The following BAMBI variants were observed in gnomAD, a reference collection of about 807,000 sequenced individuals.
The protein encoded by BAMBI is BMP and activin membrane bound inhibitor.
BAMBI carries 21 observed loss-of-function variants against 24.1 expected under a neutral mutation model. That is an observed-to-expected ratio of 0.87 (90% CI 0.62 to 1.26). The LOEUF is 1.26. Among genes scored for constraint, BAMBI ranks in the 50% most tolerant of loss-of-function variants. BAMBI has a pLI of 0.00. For missense variants in BAMBI, 388 were observed against 329.1 expected (o/e 1.18, Z -1.38); for synonymous variants, 156 against 123.1 (o/e 1.27, Z -1.77).
At position 28,682,804 on chromosome 10, in the gene BAMBI, C is replaced by T. The variant is rs547664721; in HGVS notation, c.*403C>T. The T allele has an allele frequency of 5.1e-5, 8 of 158,088 alleles. No individual in the cohort carries two copies. Among genetic ancestry groups the T allele is most frequent in the Non-Finnish European group, 8.4e-5 (6 of 71,774 alleles). 9.8% of individuals were successfully genotyped at this position (158,088 alleles called of 1,614,324 possible). The stretch of plus-strand genomic sequence containing the variant: ...GTCTTTCATAAATTTAACTGGGAAA[C>T]GTGAGACAGTACATGTTAATTATAC... On this transcript the variant is annotated 3_prime_UTR_variant, in exon 3 of 3. Transcript: ENST00000375533.
chr10:28,678,673 CTG>C (rs1237107290), intron 1 of BAMBI, among the ~76,000 whole-genome samples: 2 of 152,088 alleles, frequency 1.3e-5, no homozygotes, highest in East Asian at 1.9e-4. Flanking sequence ...GTACATCTCT[CTG>C]TGTGCGAGCG....
At chr10:28,680,547 C>T (rs1834486520) in intron 1 of BAMBI, among the ~76,000 whole-genome samples, 1 of 152,068 alleles carries the variant, frequency 6.6e-6, no homozygotes, top group Non-Finnish European at 1.5e-5. Context: ...GTTTTATACT[C>T]CCCCCACCTT....
At chr10:28,679,861 TA>T in intron 1 of BAMBI, among the ~76,000 whole-genome samples, 1 of 152,222 alleles carries the variant, frequency 6.6e-6, no homozygotes, top group East Asian at 1.9e-4. Flanking sequence ...GCAAGGTTCT[TA>T]CTTGAAGCAG....
intron 1 of BAMBI, among the ~76,000 whole-genome samples, chr10:28,680,665 A>G (rs946259766): frequency 6.6e-6 from 1 of 152,242 alleles, no homozygotes; most frequent in African/African-American, 2.4e-5. Flanking sequence ...GCTCCTCTGC[A>G]TGAAAAGATC....
rs813095 is a variant in BAMBI at position 28,677,687 on chromosome 10, C to A, written c.-211C>A. Reference sequence around the variant, plus strand: ...AGCGGGGCAAGGGAGCCAGTGGCCGCCGACGGGGGACCGGGAAACTTTTCT... The same window carrying A: ...AGCGGGGCAAGGGAGCCAGTGGCCGACGACGGGGGACCGGGAAACTTTTCT... On this transcript the variant is annotated 5_prime_UTR_variant, in exon 1 of 3. Coordinates refer to ENST00000375533, the MANE Select transcript of BAMBI (RefSeq NM_012342.3). 3.3e-5 allele frequency: 9 copies of A among 274,866 alleles called. No homozygotes were observed. The highest frequency in any genetic ancestry group is 6.1e-5 in the Non-Finnish European group (9 of 148,600). The allele number at this position is 274,866 out of a possible 1,614,324, so 17.0% of individuals were successfully genotyped here.
intron 1 of BAMBI, 44 bp downstream of exon 1, chr10:28,678,017 G>T: frequency 6.7e-7 from 1 of 1,484,080 alleles, no homozygotes; most frequent in East Asian, 2.6e-5. Flanking sequence ...CGTCCTCGCC[G>T]CGGGGCTTTG....
In BAMBI at chr10:28,681,277, T is replaced by G; in HGVS notation, c.96T>G (p.Cys32Trp). ...TTTCAGGTGAAATTCGATGCTACTG[T>G]GATGCTGCCCACTGTGTAGCCACTG... The part of the protein sequence containing the change: ...LLTKGEIRCY[C>W]DAAHCVATGY... Residue 32 changes from cysteine (C) to tryptophan (W), a missense_variant, in exon 2 of 3, where the codon TGT becomes TGG. Physicochemically the swap from Cys to Trp is radical, Grantham distance 215. Coordinates refer to ENST00000375533, the MANE Select transcript of BAMBI (RefSeq NM_012342.3). 2.5e-6 allele frequency: 4 copies of G among 1,613,000 alleles called. No individual in the cohort carries two copies. Among genetic ancestry groups the G allele is most frequent in the Non-Finnish European group, 3.4e-6 (4 of 1,179,916 alleles).
chr10:28,679,533 A>G (rs1453302591), intron 1 of BAMBI, among the ~76,000 whole-genome samples: 3 of 100,432 alleles, frequency 3.0e-5, no homozygotes, highest in Non-Finnish European at 1.9e-5. Flanking sequence ...GGCTCCAATT[A>G]AAAAAAAAAG....
chr10:28,681,971 G>A lies in BAMBI; in HGVS notation c.365-12G>A, dbSNP rs562436857. The stretch of plus-strand genomic sequence containing the variant: ...AGCATGGAGTTTGATCATTTTCTTT[G>A]TACTCCTTTAGGACAAGGAAACAGG... On this transcript the variant is annotated splice_polypyrimidine_tract_variant and intron_variant, in intron 2 of 2. Transcript: ENST00000375533. 3 of 1,594,192 alleles carry A rather than the reference G, an allele frequency of 1.9e-6. No homozygotes were observed. Among genetic ancestry groups the A allele is most frequent in the Non-Finnish European group, 2.6e-6 (3 of 1,166,438 alleles).
rs1834514007 is a variant in BAMBI, at chr10:28,682,774, A to C, written c.*373A>C. 6.1e-6 allele frequency: 1 copy of C among 165,080 alleles called. No individual in the cohort carries two copies. The highest frequency in any genetic ancestry group is 1.3e-5 in the Non-Finnish European group (1 of 76,340). 10.2% of individuals were successfully genotyped at this position (165,080 alleles called of 1,614,324 possible). ...ATATATATATTTTGTCTGAAATTTA[A>C]TAGTGTCTTTCATAAATTTAACTGG... On this transcript the variant is annotated 3_prime_UTR_variant, in exon 3 of 3. Coordinates refer to ENST00000375533, the MANE Select transcript of BAMBI (RefSeq NM_012342.3).
At position 28,682,096 on chromosome 10, in the gene BAMBI, G is replaced by T; in HGVS notation, c.478G>T (p.Ala160Ser). 1 of 1,614,176 alleles carries T rather than the reference G, an allele frequency of 6.2e-7. No homozygotes were observed. The highest frequency in any genetic ancestry group is 8.5e-7 in the Non-Finnish European group (1 of 1,180,042). ...FRAAVIAVPI[A>S]GGLILVLLIM... ...GGCAGCGGTCATTGCCGTGCCCATTGCTGGAGGGCTGATTTTAGTGTTGCT... is the reference window on the plus strand; with the variant it reads ...GGCAGCGGTCATTGCCGTGCCCATTTCTGGAGGGCTGATTTTAGTGTTGCT... The change falls in exon 3 of 3, where the codon GCT becomes TCT. Residue 160 changes from alanine to serine, a missense_variant. By Grantham distance (99) the Ala-to-Ser change is moderately conservative. Transcript: ENST00000375533.
chr10:28,679,702 ATCTGTTTTATTTATACTT>A (rs1834477997), intron 1 of BAMBI, among the ~76,000 whole-genome samples: 2 of 152,208 alleles, frequency 1.3e-5, no homozygotes, highest in African/African-American at 4.8e-5. Flanking sequence ...TGGGCTTTTA[ATCTGTTTTATTTATACTT>A]TAAATCTATA....
chr10:28,677,674 G>A lies in BAMBI; in HGVS notation c.-224G>A, dbSNP rs1834450693. The A allele has an allele frequency of 1.5e-5, 4 of 266,784 alleles. No individual in the cohort carries two copies. The South Asian group carries it at 5.1e-4, about 34-fold the overall frequency. 16.5% of individuals were successfully genotyped at this position (266,784 alleles called of 1,614,324 possible). A position where few individuals can be genotyped will look rare whatever the true frequency, so the allele number is the denominator to read the frequency against. On this transcript the variant is annotated 5_prime_UTR_variant, in exon 1 of 3. Coordinates refer to ENST00000375533, the MANE Select transcript of BAMBI (RefSeq NM_012342.3). ...GTCCCTAGAGTCGAGCGGGGCAAGG[G>A]AGCCAGTGGCCGCCGACGGGGGACC... is the stretch of plus-strand genomic sequence containing the variant.
chr10:28,681,402 C>G lies in BAMBI; in HGVS notation c.221C>G (p.Ala74Gly), dbSNP rs774853551. ...ACCCATGGCTGCCTGGACTCTCTTG[C>G]AAGCACGACAGACATCTGCCAAGCC... is the stretch of plus-strand genomic sequence containing the variant. ...PLTHGCLDSLASTTDICQAKQ... is the reference protein window; with the variant it reads ...PLTHGCLDSLGSTTDICQAKQ... The change falls in exon 2 of 3, where the codon GCA (alanine) becomes GGA (glycine). Residue 74 changes from alanine (A) to glycine (G), a missense_variant. Transcript: ENST00000375533. 1 of 1,614,196 alleles carries G rather than the reference C, an allele frequency of 6.2e-7. No individual in the cohort carries two copies. Among genetic ancestry groups the G allele is most frequent in the East Asian group, 2.2e-5 (1 of 44,884 alleles).
In BAMBI at chr10:28,682,320, A is replaced by G. The variant is rs561923649; in HGVS notation, c.702A>G (p.Gln234=). The G allele has an allele frequency of 1.5e-5, 24 of 1,614,062 alleles. No homozygotes were observed. In the East Asian group the frequency reaches 3.8e-4, roughly 25 times the overall value. The change falls in exon 3 of 3, where the codon CAA becomes CAG. Residue 234 remains glutamine (Q), a synonymous_variant. Coordinates refer to ENST00000375533, the MANE Select transcript of BAMBI (RefSeq NM_012342.3). ...NCCLTCDKMR[Q]ADLSNDKILS... ...GTCTGACCTGTGATAAAATGAGACAAGCAGACCTCAGCAACGATAAGATCC... is the reference window on the plus strand; with the variant it reads ...GTCTGACCTGTGATAAAATGAGACAGGCAGACCTCAGCAACGATAAGATCC...
rs1834496544 is a variant in BAMBI at position 28,681,466 on chromosome 10, A to G, written c.285A>G (p.Thr95=). ...ACCACTCTGGCACCACCATACCCAC[A>G]TTGGAATGCTGTCATGAAGACATGT... ...ARNHSGTTIP[T]LECCHEDMCN... The change falls in exon 2 of 3, where the codon ACA becomes ACG. Residue 95 remains threonine, a synonymous_variant. Transcript: ENST00000375533. 1 of 1,614,122 alleles carries G rather than the reference A, an allele frequency of 6.2e-7. No individual in the cohort carries two copies. The highest frequency in any genetic ancestry group is 1.3e-5 in the African/African-American group (1 of 75,030).
Position 28,681,414 on chromosome 10 carries a change from A to T in BAMBI, c.233A>T (p.Asp78Val). The T allele has an allele frequency of 6.2e-7, 1 of 1,614,210 alleles. No individual in the cohort carries two copies. The highest frequency in any genetic ancestry group is 1.1e-5 in the South Asian group (1 of 91,086). ...CTGGACTCTCTTGCAAGCACGACAG[A>T]CATCTGCCAAGCCAAACAGGCCCGA... ...GCLDSLASTT[D>V]ICQAKQARNH... The change falls in exon 2 of 3, where the codon GAC (aspartate) becomes GTC (valine). Residue 78 changes from aspartate to valine, a missense_variant. Transcript: ENST00000375533.
rs1834452046 is a variant in BAMBI, at chr10:28,677,793, C to T, written c.-105C>T. On this transcript the variant is annotated 5_prime_UTR_variant, in exon 1 of 3. Transcript: ENST00000375533. ...CCAGCCCCGCCGCTGACGGCGCCCG[C>T]CGCTCCGGGCAGGGCCCATGCCCTG... The T allele has an allele frequency of 1.3e-6, 1 of 781,432 alleles. No homozygotes were observed. Among genetic ancestry groups the T allele is most frequent in the African/African-American group, 1.8e-5 (1 of 54,532 alleles). 48.4% of individuals were successfully genotyped at this position (781,432 alleles called of 1,614,324 possible).
chr10:28,681,283 T>G lies in BAMBI; in HGVS notation c.102T>G (p.Ala34=). ...GTGAAATTCGATGCTACTGTGATGC[T>G]GCCCACTGTGTAGCCACTGGTTATA... The part of the protein sequence containing the change: ...TKGEIRCYCD[A]AHCVATGYMC... Residue 34 remains alanine, a synonymous_variant, in exon 2 of 3, where the codon GCT becomes GCG. Coordinates refer to ENST00000375533, the MANE Select transcript of BAMBI (RefSeq NM_012342.3). 1 of 1,613,386 alleles carries G rather than the reference T, an allele frequency of 6.2e-7. No individual in the cohort carries two copies. The highest frequency in any genetic ancestry group is 1.1e-5 in the South Asian group (1 of 91,082).
Sources: gnomAD v4.1 joint callset for allele counts (sites outside exome capture counted in the v4.1 genomes callset) on GRCh38, gnomAD v4.1.1 for gene constraint, MANE v1.5 for transcripts, NCBI Gene and HGNC (gene_info 2026-07-23, HGNC 2026-07-21) for gene names.